The following PI4K2A variants were observed in gnomAD, a reference collection of about 807,000 sequenced individuals.
The protein encoded by PI4K2A is phosphatidylinositol 4-kinase type 2-alpha.
Under a neutral mutation model 55.0 loss-of-function variants are expected in PI4K2A, and 20 were observed. The observed-to-expected ratio is 0.36, with a 90% CI of 0.26 to 0.53. The LOEUF is 0.53. Ranked by LOEUF, PI4K2A falls within the 20% of genes least tolerant of loss-of-function variation. The pLI is 0.91. For missense variants in PI4K2A, 463 were observed against 637.1 expected (o/e 0.73, Z 2.94); for synonymous variants, 235 against 258.5 (o/e 0.91, Z 0.87).
At chr10:97,670,819 A>T (rs1022373056) in intron 8 of PI4K2A, among the ~76,000 whole-genome samples, 4 of 152,098 alleles carry the variant, frequency 2.6e-5, no homozygotes, top group Non-Finnish European at 4.4e-5. Flanking sequence ...TGACCTGGCC[A>T]TGAAATCTTC....
intron 8 of PI4K2A, among the ~76,000 whole-genome samples, chr10:97,670,997 T>C (rs1363603568): frequency 2.0e-5 from 3 of 151,598 alleles, no homozygotes; most frequent in Non-Finnish European, 4.4e-5. Context: ...ATTAGCTGGG[T>C]GTGGTGGTGC....
chr10:97,654,482 T>C (rs531524485), intron 2 of PI4K2A, among the ~76,000 whole-genome samples: 11 of 152,020 alleles, frequency 7.2e-5, no homozygotes, highest in African/African-American at 2.4e-4. Flanking sequence ...GGAAAAAAAA[T>C]AGTTATTTGT....
intron 1 of PI4K2A, among the ~76,000 whole-genome samples, chr10:97,648,190 T>G (rs2041514686): frequency 6.7e-6 from 1 of 149,226 alleles, no homozygotes; most frequent in African/African-American, 2.5e-5. Context: ...ACCTCCCAGG[T>G]TCAAGCGATT....
chr10:97,660,442 CAT>C (rs1326875356), intron 4 of PI4K2A, among the ~76,000 whole-genome samples: 1 of 151,722 alleles, frequency 6.6e-6, no homozygotes, highest in Non-Finnish European at 1.5e-5. Flanking sequence ...ACTACAGGTG[CAT>C]GCCACCACAC....
chr10:97,657,336 A>G (rs993396477), intron 4 of PI4K2A, among the ~76,000 whole-genome samples: 4 of 152,132 alleles, frequency 2.6e-5, no homozygotes, highest in African/African-American at 7.2e-5. Flanking sequence ...TTTAAATTCA[A>G]CTAACCTGGT....
exon 9 of PI4K2A, chr10:97,673,694 C>G: frequency 1.2e-6 from 2 of 1,614,164 alleles, no homozygotes; most frequent in Non-Finnish European, 1.7e-6. Flanking sequence ...CTAGCGAGTC[C>G]TACACACAGA....
At chr10:97,670,233 A>G (rs1312830433) in intron 8 of PI4K2A, among the ~76,000 whole-genome samples, 14 of 152,282 alleles carry the variant, frequency 9.2e-5, no homozygotes, top group Admixed American at 7.2e-4. Context: ...ATTCTTTAGT[A>G]TTATGTGACT....
At chr10:97,669,391 T>C (rs889250967) in intron 8 of PI4K2A, among the ~76,000 whole-genome samples, 12 of 152,198 alleles carry the variant, frequency 7.9e-5, no homozygotes, top group African/African-American at 2.7e-4. Flanking sequence ...CAATGTCTTA[T>C]CTAATTCCAT....
intron 1 of PI4K2A, among the ~76,000 whole-genome samples, chr10:97,642,838 C>T (rs1317353998): frequency 0.058 from 213 of 3,696 alleles, 15 homozygotes; most frequent in South Asian, 0.28. Flanking sequence ...TTCCTTCCTT[C>T]CTTCCTTCCT....
At chr10:97,659,207 A>G (rs1026536472) in intron 4 of PI4K2A, among the ~76,000 whole-genome samples, 15 of 151,164 alleles carry the variant, frequency 9.9e-5, no homozygotes, top group African/African-American at 3.4e-4. Context: ...CTAGTTTTTA[A>G]ATTCTTTGTA....
intron 8 of PI4K2A, among the ~76,000 whole-genome samples, chr10:97,669,361 C>T (rs2135762410): frequency 6.6e-6 from 1 of 152,344 alleles, no homozygotes; most frequent in African/African-American, 2.4e-5. Flanking sequence ...TTGATATAGG[C>T]TGTGCCTCTG....
In PI4K2A at chr10:97,656,999, G is replaced by A. The variant is rs557542077; in HGVS notation, c.922+25G>A. The A allele has an allele frequency of 1.3e-4, 209 of 1,613,786 alleles. 1 individual carries two copies. In the Middle Eastern group the frequency reaches 5.7e-3, roughly 44 times the overall value. Reference sequence around the variant, plus strand: ...GGTGAGCAGCTGCAGGTGGTCCCATGCCCTGTGCCAGACTGTGTTGAGGCA... The same window carrying A: ...GGTGAGCAGCTGCAGGTGGTCCCATACCCTGTGCCAGACTGTGTTGAGGCA... On this transcript the variant is annotated intron_variant, in intron 4 of 8. Coordinates refer to ENST00000370631, the Ensembl canonical transcript of PI4K2A. This position sits in a 1 kb window ranked among gnomAD's most constrained non-coding sequence, Gnocchi z 4.5.
chr10:97,649,175 GA>G (rs2041518689), intron 1 of PI4K2A, among the ~76,000 whole-genome samples: 1 of 152,206 alleles, frequency 6.6e-6, no homozygotes, highest in Admixed American at 6.5e-5. Context: ...AGACTAGCTT[GA>G]GTAGGCTGTG....
At chr10:97,647,956 A>T (rs1442370433) in intron 1 of PI4K2A, among the ~76,000 whole-genome samples, 2 of 151,082 alleles carry the variant, frequency 1.3e-5, no homozygotes, top group African/African-American at 4.9e-5. Context: ...TTTTTTAGAG[A>T]TGGGGTCTTG....
chr10:97,667,153 C>A (rs79179769), intron 8 of PI4K2A, 33 bp downstream of exon 8: 2 of 1,510,604 alleles, frequency 1.3e-6, no homozygotes, highest in Non-Finnish European at 1.8e-6. Context: ...GTATCTTTGG[C>A]GTCTCTGGGA....
chr10:97,655,286 C>T (rs1342832983), intron 2 of PI4K2A, among the ~76,000 whole-genome samples: 1 of 148,168 alleles, frequency 6.7e-6, no homozygotes, highest in Non-Finnish European at 1.5e-5. Flanking sequence ...ATGAGAATTG[C>T]TTGAATGCGG....
chr10:97,673,405 G>A (rs751556501), intron 8 of PI4K2A, among the ~76,000 whole-genome samples, 176 bp from the exon 9 acceptor site: 1 of 152,210 alleles, frequency 6.6e-6, no homozygotes, highest in Non-Finnish European at 1.5e-5. Flanking sequence ...AATGATTAGA[G>A]AGGTTTCCAT....
rs1024185266 is a variant in PI4K2A, at chr10:97,656,891, A to G, written c.839A>G (p.Glu280Gly). 2 of 1,614,176 alleles carry G rather than the reference A, an allele frequency of 1.2e-6. No individual in the cohort carries two copies. The highest frequency in any genetic ancestry group is 1.7e-6 in the Non-Finnish European group (2 of 1,180,026). Reference sequence around the variant, plus strand: ...TATTGGCTGCGGCGTTTTGAAGCAGAACCTCTTCCTGAGAACACTAACCGG... The same window carrying G: ...TATTGGCTGCGGCGTTTTGAAGCAGGACCTCTTCCTGAGAACACTAACCGG... Residue 280 changes from glutamate to glycine, a missense_variant, in exon 4 of 9, where the codon GAA (glutamate) becomes GGA (glycine). Transcript: ENST00000370631. The surrounding 1 kb of genome is among the most constrained non-coding windows in gnomAD (Gnocchi z 4.5).
At chr10:97,676,086 CAAA>C (rs1183597699) in exon 9 of PI4K2A, 1 of 152,430 alleles carries the variant, frequency 6.6e-6, no homozygotes, top group Non-Finnish European at 1.5e-5. Flanking sequence ...GGAAGGAAGA[CAAA>C]GAAGGTAGGA....
Sources: gnomAD v4.1 joint callset for allele counts (sites outside exome capture counted in the v4.1 genomes callset) on GRCh38, gnomAD v4.1.1 for gene constraint, Gnocchi (gnomAD v3.1) non-coding constraint, MANE v1.5 for transcripts, NCBI Gene and HGNC (gene_info 2026-07-23, HGNC 2026-07-21) for gene names.